The following ARHGAP24 variants were observed in gnomAD, a reference collection of about 807,000 sequenced individuals.
ARHGAP24 encodes the protein Rho GTPase activating protein 24, also known as rho GTPase-activating protein 24.
Under a neutral mutation model 76.4 loss-of-function variants are expected in ARHGAP24, and 50 were observed. The ratio of observed to expected loss-of-function variants is 0.65; its 90% CI spans 0.52 to 0.83. The LOEUF (loss-of-function observed/expected upper bound fraction) is 0.83, where lower values mean the gene tolerates loss of function less well. Ranked by LOEUF, ARHGAP24 falls within the 40% of genes least tolerant of loss-of-function variation. The pLI is 0.00. For synonymous variants in ARHGAP24, 345 were observed against 323.3 expected (o/e 1.07, Z -0.72); for missense variants, 930 against 914.2 (o/e 1.02, Z -0.22).
At chr4:85,853,589 T>C (rs1179405426) in intron 3 of ARHGAP24, among the ~76,000 whole-genome samples, 1 of 152,188 alleles carries the variant, frequency 6.6e-6, no homozygotes, top group Non-Finnish European at 1.5e-5. Context: ...ACTGGAGCTC[T>C]TCCTATTCGG....
Position 85,837,536 on chromosome 4 carries a change from C to T in ARHGAP24, c.269-86112C>T, listed in dbSNP as rs1730355555. ...ATCGAAAGAGAAAAACAAAAAAAAA[C>T]AAGCAGCGGAATTAAACTTTGTCCT... On this transcript the variant is annotated intron_variant, in intron 3 of 9. Transcript: ENST00000395184. Among the ~76,000 whole-genome samples the T allele has an allele frequency of 2.6e-5, 4 of 151,844 alleles. No homozygotes were observed. In the South Asian group the frequency reaches 8.3e-4, roughly 32 times the overall value.
chr4:85,838,981 A>C (rs1010888207), intron 3 of ARHGAP24, among the ~76,000 whole-genome samples: 3 of 152,238 alleles, frequency 2.0e-5, no homozygotes, highest in Non-Finnish European at 4.4e-5. Context: ...ATCGTAGCTC[A>C]GTTGCCACAA....
At position 85,628,123 on chromosome 4, in the gene ARHGAP24, G is replaced by A. The variant is rs575398719; in HGVS notation, c.180+57402G>A. Among the ~76,000 whole-genome samples the A allele has an allele frequency of 9.6e-4, 146 of 152,220 alleles. 1 individual carries two copies. Among genetic ancestry groups the A allele is most frequent in the East Asian group, 2.7e-3 (14 of 5,164 alleles). On this transcript the variant is annotated intron_variant, in intron 2 of 9. Coordinates refer to ENST00000395184, the MANE Select transcript of ARHGAP24 (RefSeq NM_001025616.3). ...TGGCACTCCCCGGTGAGATGAACCC[G>A]GTACCTCAATTGGAAATGCAGAAAT... is the stretch of plus-strand genomic sequence containing the variant.
intron 4 of ARHGAP24, among the ~76,000 whole-genome samples, chr4:85,933,702 T>C (rs1170491070): frequency 3.9e-5 from 6 of 152,202 alleles, no homozygotes; most frequent in Non-Finnish European, 8.8e-5. Context: ...ATAATATGAC[T>C]ATTAGCAGTG....
intron 1 of ARHGAP24, among the ~76,000 whole-genome samples, chr4:85,540,047 A>G (rs181249908): frequency 3.9e-5 from 6 of 152,180 alleles, no homozygotes; most frequent in African/African-American, 1.2e-4. Flanking sequence ...TCTGTCTAAA[A>G]ATAAATAAAT....
At chr4:85,693,052 G>A (rs1723728506) in intron 2 of ARHGAP24, among the ~76,000 whole-genome samples, 1 of 152,200 alleles carries the variant, frequency 6.6e-6, no homozygotes, top group African/African-American at 2.4e-5. Context: ...TTGTTTCACA[G>A]GGGAGTATAT....
chr4:85,603,735 T>C (rs1462764891), intron 2 of ARHGAP24, among the ~76,000 whole-genome samples: 2 of 152,242 alleles, frequency 1.3e-5, no homozygotes, highest in Non-Finnish European at 2.9e-5. Flanking sequence ...ATGTTTCTAG[T>C]ACTGTGCTAA....
At chr4:85,941,632 G>A (rs1736951816) in intron 4 of ARHGAP24, among the ~76,000 whole-genome samples, 1 of 152,140 alleles carries the variant, frequency 6.6e-6, no homozygotes, top group Non-Finnish European at 1.5e-5. Flanking sequence ...AAAGAAATAG[G>A]ATTTAAATGC....
At chr4:85,733,196 T>C (rs1725483301) in intron 3 of ARHGAP24, among the ~76,000 whole-genome samples, 1 of 151,292 alleles carries the variant, frequency 6.6e-6, no homozygotes, top group African/African-American at 2.4e-5. Flanking sequence ...CCCGAGTAGC[T>C]GGGACTACAG....
At chr4:85,914,494 C>A (rs1319857300) in intron 3 of ARHGAP24, among the ~76,000 whole-genome samples, 2 of 152,188 alleles carry the variant, frequency 1.3e-5, no homozygotes, top group Non-Finnish European at 2.9e-5. Context: ...GACGTATACA[C>A]TGAAGTTTTC....
At chr4:85,982,010 A>C (rs904059332) in intron 8 of ARHGAP24, among the ~76,000 whole-genome samples, 1 of 151,972 alleles carries the variant, frequency 6.6e-6, no homozygotes, top group African/African-American at 2.4e-5. Flanking sequence ...GGCCTTGTGG[A>C]AATGGGGATT....
In ARHGAP24 at chr4:85,722,736, G is replaced by C. The variant is rs150902117; in HGVS notation, c.268+764G>C. Among the ~76,000 whole-genome samples the C allele has an allele frequency of 5.1e-3, 770 of 152,256 alleles. 5 individuals carry two copies. Among genetic ancestry groups the C allele is most frequent in the African/African-American group, 0.018 (729 of 41,538 alleles). On this transcript the variant is annotated intron_variant, in intron 3 of 9. Coordinates refer to ENST00000395184, the MANE Select transcript of ARHGAP24 (RefSeq NM_001025616.3). ...TATCCCTCAATGTAAGAAAAAGGGA[G>C]GTAGGAATCTGGCTCCGGTTGACCG...
At chr4:85,727,560 G>A (rs1578176550) in intron 3 of ARHGAP24, among the ~76,000 whole-genome samples, 2 of 152,114 alleles carry the variant, frequency 1.3e-5, no homozygotes, top group East Asian at 3.9e-4. Context: ...GGATTCTACG[G>A]ATGGAGTGCT....
At chr4:85,925,110 C>A (rs1422382784) in intron 4 of ARHGAP24, among the ~76,000 whole-genome samples, 1 of 152,178 alleles carries the variant, frequency 6.6e-6, no homozygotes, top group Non-Finnish European at 1.5e-5. Context: ...AGTAAGGAGT[C>A]CCCCTTTATC....
intron 3 of ARHGAP24, among the ~76,000 whole-genome samples, chr4:85,860,114 C>T (rs77254929): frequency 0.012 from 1,885 of 152,146 alleles, 45 homozygotes; most frequent in African/African-American, 0.043. Flanking sequence ...TCTTTTTAAA[C>T]ATGTGCTTGC....
intron 3 of ARHGAP24, among the ~76,000 whole-genome samples, chr4:85,830,901 C>T (rs191332520): frequency 3.1e-4 from 47 of 152,128 alleles, no homozygotes; most frequent in African/African-American, 1.1e-3. Flanking sequence ...GGAGTATAAA[C>T]ATTTTCTGCA....
chr4:85,524,403 G>A (rs1724903352), intron 1 of ARHGAP24, among the ~76,000 whole-genome samples: 1 of 151,966 alleles, frequency 6.6e-6, no homozygotes, highest in Non-Finnish European at 1.5e-5. Context: ...CCATTTAATG[G>A]TTAGGAATTT....
chr4:85,523,683 A>G (rs2110112454), intron 1 of ARHGAP24, among the ~76,000 whole-genome samples: 1 of 152,312 alleles, frequency 6.6e-6, no homozygotes, highest in East Asian at 1.9e-4. Flanking sequence ...TTACAGGAAC[A>G]TGTTAAATTT....
intron 2 of ARHGAP24, among the ~76,000 whole-genome samples, chr4:85,716,688 G>C (rs1365227412): frequency 1.3e-5 from 2 of 151,962 alleles, no homozygotes; most frequent in Non-Finnish European, 2.9e-5. Context: ...TGTCACAAAA[G>C]GGATAATTGA....
Sources: gnomAD v4.1 joint callset for allele counts (sites outside exome capture counted in the v4.1 genomes callset) on GRCh38, gnomAD v4.1.1 for gene constraint, MANE v1.5 for transcripts, NCBI Gene and HGNC (gene_info 2026-07-23, HGNC 2026-07-21) for gene names.